The following TLK2 variants were observed in gnomAD, a reference collection of about 807,000 sequenced individuals.
TLK2 encodes serine/threonine-protein kinase tousled-like 2.
A neutral mutation model predicts 117.3 loss-of-function variants in TLK2; 6 were observed. The ratio of observed to expected loss-of-function variants is 0.05; its 90% CI spans 0.03 to 0.10. The LOEUF is 0.10. Ranked by LOEUF, TLK2 falls within the 10% of genes least tolerant of loss-of-function variation. The pLI is 1.00. For missense variants in TLK2, 299 were observed against 901.2 expected (o/e 0.33, Z 8.56); for synonymous variants, 257 against 316.7 (o/e 0.81, Z 2.00).
chr17:62,477,379 G>T (rs551280785), upstream of TLK2: 3 of 152,208 alleles, frequency 2.0e-5, no homozygotes, highest in Non-Finnish European at 4.4e-5. Context: ...CTGGGATCTG[G>T]AGTAAGATGA....
intron 7 of TLK2, among the ~76,000 whole-genome samples, chr17:62,543,097 A>G (rs548768574): frequency 3.3e-5 from 5 of 151,636 alleles, no homozygotes; most frequent in Non-Finnish European, 5.9e-5. Flanking sequence ...AGGCTTTTAA[A>G]TTTTTTTTTA....
At chr17:62,534,197 T>C (rs2076955368) in intron 6 of TLK2, among the ~76,000 whole-genome samples, 1 of 152,202 alleles carries the variant, frequency 6.6e-6, no homozygotes, top group Non-Finnish European at 1.5e-5. Context: ...TATTGTGAAA[T>C]TCTACAAAAA....
chr17:62,503,635 T>C (rs1366179812), intron 2 of TLK2, among the ~76,000 whole-genome samples: 2 of 151,862 alleles, frequency 1.3e-5, no homozygotes, highest in African/African-American at 4.8e-5. Context: ...GCCAGGCTGC[T>C]CTTAAACTCC....
At chr17:62,600,880 T>C (rs1598868672) in intron 18 of TLK2, 60 bp downstream of exon 18, 2 of 1,452,510 alleles carry the variant, frequency 1.4e-6, no homozygotes, top group East Asian at 4.6e-5. Context: ...TAAGTGACTT[T>C]TAATTTGATA....
intron 7 of TLK2, among the ~76,000 whole-genome samples, chr17:62,545,148 T>A (rs1326453857): frequency 2.0e-5 from 3 of 152,084 alleles, no homozygotes; most frequent in Admixed American, 6.5e-5. Context: ...TGCCTCAGCC[T>A]CCCGAGTAGC....
At chr17:62,521,085 G>A (rs780173340) in intron 3 of TLK2, among the ~76,000 whole-genome samples, 14 of 152,092 alleles carry the variant, frequency 9.2e-5, no homozygotes, top group Non-Finnish European at 2.1e-4. Context: ...GTTTGCACCC[G>A]GGAGAATGAG....
At chr17:62,535,787 AAAAAG>A (rs977116958) in intron 6 of TLK2, among the ~76,000 whole-genome samples, 3 of 150,952 alleles carry the variant, frequency 2.0e-5, no homozygotes, top group African/African-American at 7.3e-5. Context: ...AAAAAAAAGA[AAAAAG>A]AAAAAAGAAA....
intron 16 of TLK2, among the ~76,000 whole-genome samples, chr17:62,588,870 G>C (rs189832753): frequency 6.6e-5 from 10 of 152,296 alleles, no homozygotes; most frequent in African/African-American, 2.4e-4. Context: ...ATTGATGAGT[G>C]CTTTAAAAAT....
intron 7 of TLK2, among the ~76,000 whole-genome samples, chr17:62,548,014 T>C (rs570726293): frequency 2.6e-5 from 4 of 152,336 alleles, no homozygotes; most frequent in African/African-American, 9.6e-5. Flanking sequence ...TATGGGTAAT[T>C]AAAGTCCTTT....
chr17:62,590,160 G>A (rs1359887007), intron 16 of TLK2, among the ~76,000 whole-genome samples: 4 of 149,236 alleles, frequency 2.7e-5, no homozygotes, highest in Admixed American at 1.3e-4. Flanking sequence ...GGCTGGGCAC[G>A]GTGGCTCACG....
At chr17:62,576,907 C>T in intron 13 of TLK2, 132 bp downstream of exon 13, 1 of 621,226 alleles carries the variant, frequency 1.6e-6, no homozygotes, top group Non-Finnish European at 2.9e-6. Flanking sequence ...TGACTGCTTT[C>T]ACTGTCATGT....
chr17:62,567,834 T>C (rs1226743919), intron 11 of TLK2, among the ~76,000 whole-genome samples: 1 of 152,188 alleles, frequency 6.6e-6, no homozygotes, highest in Non-Finnish European at 1.5e-5. Flanking sequence ...GTTATTTTTG[T>C]TCACTGGTTC....
chr17:62,612,133 T>C (rs893867095), intron 21 of TLK2: 6 of 337,498 alleles, frequency 1.8e-5, no homozygotes, highest in Non-Finnish European at 2.7e-5. Context: ...GAGGTCATGC[T>C]TCCTTTTTCC....
Position 62,594,843 on chromosome 17 carries a change from A to G in TLK2, c.1461-1742A>G, listed in dbSNP as rs1352955594. Among the ~76,000 whole-genome samples, 3 of 151,602 alleles carry G rather than the reference A, an allele frequency of 2.0e-5. No individual in the cohort carries two copies. In the East Asian group the frequency reaches 5.8e-4, roughly 29 times the overall value. ...ACACACACACACACCCCATGTGGGTATGCCGGTGAACCCAACACATGTGCC... is the reference window on the plus strand; with the variant it reads ...ACACACACACACACCCCATGTGGGTGTGCCGGTGAACCCAACACATGTGCC... On this transcript the variant is annotated intron_variant, in intron 16 of 21. Coordinates refer to ENST00000346027, the MANE Select transcript of TLK2 (RefSeq NM_006852.6).
chr17:62,497,345 C>T (rs557496463), intron 2 of TLK2, among the ~76,000 whole-genome samples: 1 of 152,226 alleles, frequency 6.6e-6, no homozygotes, highest in Admixed American at 6.5e-5. Context: ...GAATTAAGTA[C>T]ACTGCTTTGT....
At chr17:62,518,527 A>T (rs1021975671) in intron 2 of TLK2, among the ~76,000 whole-genome samples, 7 of 152,080 alleles carry the variant, frequency 4.6e-5, no homozygotes, top group African/African-American at 1.7e-4. Context: ...AACATGGTGA[A>T]ACCCCTTCTC....
chr17:62,553,709 A>C lies in TLK2; in HGVS notation c.674A>C (p.Asn225Thr). Residue 225 changes from asparagine (N) to threonine (T), a missense_variant, in exon 9 of 22, where the codon AAT becomes ACT. Asn to Thr is a moderately conservative substitution (Grantham distance 65). This residue lies in a region of TLK2 where 94 missense variants were observed against 282.6 expected (regional missense o/e 0.33). Transcript: ENST00000346027. ...EKISALENSK[N>T]SDLEKKEGRI... is the part of the protein sequence containing the mutation. ...ATATCTGCACTAGAAAACAGTAAGA[A>C]TTCTGACTTAGAGAAGAAGGAGGGA... 6.2e-7 allele frequency: 1 copy of C among 1,612,060 alleles called. No homozygotes were observed. The highest frequency in any genetic ancestry group is 8.5e-7 in the Non-Finnish European group (1 of 1,178,250).
intron 16 of TLK2, among the ~76,000 whole-genome samples, chr17:62,595,560 C>CTTT (rs567198832): frequency 7.2e-6 from 1 of 139,428 alleles, no homozygotes. Context: ...CTCTGTTGTA[C>CTTT]TTTTTTTTTT....
intron 16 of TLK2, among the ~76,000 whole-genome samples, chr17:62,593,129 C>G (rs1252670771): frequency 6.6e-6 from 1 of 152,180 alleles, no homozygotes; most frequent in Admixed American, 6.5e-5. Flanking sequence ...TTGGGGACCC[C>G]TGCTATAGGC....
Sources: gnomAD v4.1 joint callset for allele counts (sites outside exome capture counted in the v4.1 genomes callset) on GRCh38, gnomAD v4.1.1 for gene constraint, gnomAD v4.1.1 regional missense constraint, MANE v1.5 for transcripts, NCBI Gene and HGNC (gene_info 2026-07-23, HGNC 2026-07-21) for gene names.